The following WDFY4 variants were observed in gnomAD, a reference collection of about 807,000 sequenced individuals.
WDFY4 encodes the protein WDFY family member 4.
WDFY4 carries 169 observed loss-of-function variants against 351.9 expected under a neutral mutation model. The observed-to-expected ratio is 0.48, with a 90% CI of 0.42 to 0.55. The LOEUF (loss-of-function observed/expected upper bound fraction) is 0.55. WDFY4 is among the 20% of genes least tolerant of loss of function. The pLI is 0.00. For missense variants in WDFY4, 3,803 were observed against 3,935.6 expected (o/e 0.97, Z 0.90); for synonymous variants, 1,622 against 1,574.6 (o/e 1.03, Z -0.71).
chr10:48,867,665 T>C (rs1429245899), intron 40 of WDFY4, among the ~76,000 whole-genome samples: 1 of 152,234 alleles, frequency 6.6e-6, no homozygotes, highest in Non-Finnish European at 1.5e-5. Context: ...ATCTCTAAGC[T>C]GGAATAAGTC....
Position 48,810,546 on chromosome 10 carries a change from T to C in WDFY4, c.4855T>C (p.Phe1619Leu), listed in dbSNP as rs1400894459. 2.6e-6 allele frequency: 4 copies of C among 1,551,500 alleles called. No individual in the cohort carries two copies. Among genetic ancestry groups the C allele is most frequent in the South Asian group, 2.4e-5 (2 of 84,032 alleles). Reference protein sequence around the residue: ...HLSSESKEEMFLKLGPDWFLL... With the variant: ...HLSSESKEEMLLKLGPDWFLL... ...AATCCCCAGGTCAAAGGAAGAGATGTTTCTGAAACTGGGGCCTGACTGGTT... is the reference window on the plus strand; with the variant it reads ...AATCCCCAGGTCAAAGGAAGAGATGCTTCTGAAACTGGGGCCTGACTGGTT... The change falls in exon 29 of 62, where the codon TTT (phenylalanine) becomes CTT (leucine). Residue 1619 changes from phenylalanine (F) to leucine (L), a missense_variant. Physicochemically the swap from Phe to Leu is conservative, Grantham distance 22. Around this residue, in one of 3 missense-constraint regions of WDFY4, gnomAD observed 3,054 missense variants for 3,148.6 expected, o/e 0.97. Transcript: ENST00000325239.
chr10:48,930,985 C>G (rs1839963202), intron 47 of WDFY4, among the ~76,000 whole-genome samples: 1 of 152,090 alleles, frequency 6.6e-6, no homozygotes, highest in African/African-American at 2.4e-5. Flanking sequence ...ACTCTTTTTA[C>G]TTTCCTTCTT....
chr10:48,927,355 T>C (rs1186531253), intron 47 of WDFY4, among the ~76,000 whole-genome samples: 1 of 152,200 alleles, frequency 6.6e-6, no homozygotes, highest in East Asian at 1.9e-4. Context: ...GGTAGGAATA[T>C]CCCTCCTATT....
At chr10:48,770,453 T>C (rs1172120743) in intron 13 of WDFY4, among the ~76,000 whole-genome samples, 1 of 152,204 alleles carries the variant, frequency 6.6e-6, no homozygotes, top group Non-Finnish European at 1.5e-5. Flanking sequence ...TGTGATGTTA[T>C]TTTTGCCTTT....
At chr10:48,755,976 G>A (rs956558820) in intron 12 of WDFY4, among the ~76,000 whole-genome samples, 1 of 151,942 alleles carries the variant, frequency 6.6e-6, no homozygotes, top group African/African-American at 2.4e-5. Context: ...CAATATCAGG[G>A]TAATTCTGAC....
At chr10:48,936,763 A>C (rs1840390230) in intron 47 of WDFY4, among the ~76,000 whole-genome samples, 1 of 150,376 alleles carries the variant, frequency 6.6e-6, no homozygotes, top group Non-Finnish European at 1.5e-5. Context: ...GCTTGAACCC[A>C]GGAGACAGAG....
rs569156804 is a variant in WDFY4 at position 48,823,761 on chromosome 10, G to A, written c.5982+1224G>A. On this transcript the variant is annotated intron_variant, in intron 35 of 61. Coordinates refer to ENST00000325239, the MANE Select transcript of WDFY4 (RefSeq NM_001394531.1). ...GTGGGGGCCACCGTGCTTTCAGGGGGACCAGGCCTGAGGGCTCGGCTCCCC... is the reference window on the plus strand; with the variant it reads ...GTGGGGGCCACCGTGCTTTCAGGGGAACCAGGCCTGAGGGCTCGGCTCCCC... 1.8e-5 allele frequency: 18 copies of A among 991,402 alleles called. No homozygotes were observed. In the African/African-American group the frequency reaches 1.9e-4, roughly 11 times the overall value. 61.4% of individuals were successfully genotyped at this position (991,402 alleles called of 1,614,324 possible).
intron 51 of WDFY4, among the ~76,000 whole-genome samples, chr10:48,950,225 A>G (rs1010937881): frequency 6.6e-6 from 1 of 152,088 alleles, no homozygotes; most frequent in Non-Finnish European, 1.5e-5. Context: ...CACAGCACCC[A>G]GCAACCACTG....
chr10:48,982,284 A>G (rs1336628597), intron 61 of WDFY4, among the ~76,000 whole-genome samples: 1 of 151,078 alleles, frequency 6.6e-6, no homozygotes, highest in Non-Finnish European at 1.5e-5. Flanking sequence ...GAGCTTCCCC[A>G]CAGTGCTGTG....
chr10:48,736,162 G>A (rs2064657930), intron 11 of WDFY4, 92 bp downstream of exon 11: 1 of 1,441,976 alleles, frequency 6.9e-7, no homozygotes, highest in Non-Finnish European at 9.5e-7. Flanking sequence ...ATGTAATTCA[G>A]TTAGCCACTG....
At position 48,774,447 on chromosome 10, in the gene WDFY4, G is replaced by A. The variant is rs1565182166; in HGVS notation, c.2554-11G>A. On this transcript the variant is annotated splice_polypyrimidine_tract_variant and intron_variant, in intron 13 of 61. Transcript: ENST00000325239. ...CCTGGAGGGCTCACAGCTTGCTTTG[G>A]TCACTCTTAGCTTTCCGAGGAGATC... is the stretch of plus-strand genomic sequence containing the variant. 1.9e-6 allele frequency: 3 copies of A among 1,551,640 alleles called. No individual in the cohort carries two copies. The highest frequency in any genetic ancestry group is 2.6e-6 in the Non-Finnish European group (3 of 1,146,994).
At chr10:48,915,068 A>G (rs1838388925) in intron 47 of WDFY4, among the ~76,000 whole-genome samples, 1 of 152,232 alleles carries the variant, frequency 6.6e-6, no homozygotes, top group Non-Finnish European at 1.5e-5. Flanking sequence ...TTAGAAGTCC[A>G]GCTCTACTCT....
chr10:48,816,823 A>G (rs1259414622), intron 31 of WDFY4, among the ~76,000 whole-genome samples: 2 of 152,208 alleles, frequency 1.3e-5, no homozygotes, highest in East Asian at 3.8e-4. Context: ...GAAAAACAAG[A>G]CTCAGACTTC....
intron 39 of WDFY4, among the ~76,000 whole-genome samples, chr10:48,835,604 T>G (rs2133088738): frequency 6.6e-6 from 1 of 152,190 alleles, no homozygotes; most frequent in East Asian, 1.9e-4. Context: ...TGCAACAGAT[T>G]ATGTTTCTGT....
intron 24 of WDFY4, among the ~76,000 whole-genome samples, chr10:48,802,120 A>G (rs1406104822): frequency 6.6e-6 from 1 of 152,026 alleles, no homozygotes; most frequent in Non-Finnish European, 1.5e-5. Flanking sequence ...CACACCTGTA[A>G]TCCTAGCAAT....
At chr10:48,687,690 C>A (rs1368993112) in intron 1 of WDFY4, among the ~76,000 whole-genome samples, 1 of 147,570 alleles carries the variant, frequency 6.8e-6, no homozygotes. Flanking sequence ...TCTTGGCTCA[C>A]TGCAACCTCC....
chr10:48,940,087 T>A (rs1402687206), intron 47 of WDFY4, among the ~76,000 whole-genome samples: 2 of 152,250 alleles, frequency 1.3e-5, no homozygotes, highest in Non-Finnish European at 2.9e-5. Flanking sequence ...CAACTCCACA[T>A]GCTCATGGCT....
At position 48,764,603 on chromosome 10, in the gene WDFY4, C is replaced by T. The variant is rs531049851; in HGVS notation, c.2553+4163C>T. The stretch of plus-strand genomic sequence containing the variant: ...TGCCATTCCACTTCCTTGAGGGCTA[C>T]GGCTTCTAATCAGGTCTTAACTGAG... On this transcript the variant is annotated intron_variant, in intron 13 of 61. Transcript: ENST00000325239. Among the ~76,000 whole-genome samples the T allele has an allele frequency of 2.2e-4, 33 of 152,348 alleles. No homozygotes were observed. The South Asian group carries it at 3.1e-3, about 14-fold the overall frequency.
chr10:48,812,916 C>T (rs938958531), intron 30 of WDFY4, among the ~76,000 whole-genome samples: 45 of 152,208 alleles, frequency 3.0e-4, no homozygotes, highest in African/African-American at 9.9e-4. Context: ...TTCCCACCAT[C>T]GTCTGCCTGG....
Sources: gnomAD v4.1 joint callset for allele counts (sites outside exome capture counted in the v4.1 genomes callset) on GRCh38, gnomAD v4.1.1 for gene constraint, gnomAD v4.1.1 regional missense constraint, MANE v1.5 for transcripts, NCBI Gene and HGNC (gene_info 2026-07-23, HGNC 2026-07-21) for gene names.